Variants in FOXO3 observed in about 807,000 individuals in gnomAD.
The protein encoded by FOXO3 is forkhead box O3, also known as forkhead box protein O3.
Under a neutral mutation model 41.9 loss-of-function variants are expected in FOXO3, and 4 were observed. The ratio of observed to expected loss-of-function variants is 0.10; its 90% confidence interval spans 0.05 to 0.22. The LOEUF is 0.22. Ranked by LOEUF, FOXO3 falls within the 10% of genes least tolerant of loss-of-function variation. The pLI is 1.00. For synonymous variants in FOXO3, 318 were observed against 389.3 expected (o/e 0.82, Z 2.16); for missense variants, 534 against 906.8 (o/e 0.59, Z 5.28).
intron 1 of FOXO3, among the ~76,000 whole-genome samples, chr6:108,635,658 T>C (rs778186369): frequency 1.2e-4 from 19 of 152,308 alleles, no homozygotes; most frequent in Non-Finnish European, 2.1e-4. Flanking sequence ...AGGCACATCC[T>C]GTCATAGCAT....
chr6:108,646,976 T>C (rs1778408621), intron 1 of FOXO3, among the ~76,000 whole-genome samples: 1 of 151,948 alleles, frequency 6.6e-6, no homozygotes, highest in Non-Finnish European at 1.5e-5. Flanking sequence ...TTATGTACCT[T>C]CCCCCCAATA....
At position 108,684,719 on chromosome 6, in the gene FOXO3, G is replaced by A. The variant is rs940046055; in HGVS notation, c.*4927G>A. The A allele has an allele frequency of 1.3e-5, 2 of 152,612 alleles. No individual in the cohort carries two copies. Among genetic ancestry groups the A allele is most frequent in the Non-Finnish European group, 2.9e-5 (2 of 68,042 alleles). The allele number at this position is 152,612 out of a possible 1,614,324, so 9.5% of individuals were successfully genotyped here. A position where few individuals can be genotyped will look rare whatever the true frequency, so the allele number is the denominator to read the frequency against. On this transcript the variant is annotated 3_prime_UTR_variant, in exon 3 of 3. Coordinates refer to ENST00000406360, the MANE Select transcript of FOXO3 (RefSeq NM_001455.4). ...GTATTCCACTTAAAACCGTAATCTA[G>A]TTTGTAAAAGAGATGGTGACGCATG...
chr6:108,570,474 C>T (rs1290767675), intron 1 of FOXO3, among the ~76,000 whole-genome samples: 2 of 152,080 alleles, frequency 1.3e-5, no homozygotes, highest in African/African-American at 2.4e-5. Flanking sequence ...TACTAATGAG[C>T]GCCACGACAC....
chr6:108,672,539 C>T (rs143534308), intron 2 of FOXO3, among the ~76,000 whole-genome samples: 66 of 152,212 alleles, frequency 4.3e-4, no homozygotes, highest in African/African-American at 1.4e-3. Flanking sequence ...AATTTTAGGT[C>T]GGCTTTGTTT....
In FOXO3 at chr6:108,561,063, T is replaced by G; in HGVS notation, c.-146T>G. On this transcript the variant is annotated 5_prime_UTR_variant, in exon 1 of 3. Transcript: ENST00000406360. ...GGCCCGGGATAACCAACTCTCCTTC[T>G]CTCTTCTTTGGTGCTTCCCCAGGCG... is the stretch of plus-strand genomic sequence containing the variant. 2.1e-6 allele frequency: 3 copies of G among 1,419,586 alleles called. No individual in the cohort carries two copies. Among genetic ancestry groups the G allele is most frequent in the Non-Finnish European group, 2.7e-6 (3 of 1,097,908 alleles). The allele number at this position is 1,419,586 out of a possible 1,614,324, so 87.9% of individuals were successfully genotyped here.
chr6:108,642,336 T>C (rs1042000557), intron 1 of FOXO3, among the ~76,000 whole-genome samples: 3 of 152,100 alleles, frequency 2.0e-5, no homozygotes, highest in African/African-American at 7.2e-5. Context: ...AGTGATCCTC[T>C]ATCCTTGACC....
intron 1 of FOXO3, among the ~76,000 whole-genome samples, chr6:108,589,653 A>G (rs1337774074): frequency 6.6e-6 from 1 of 152,344 alleles, no homozygotes; most frequent in Middle Eastern, 3.4e-3. Context: ...CATTAAGAGC[A>G]GGAGGAGGAG....
At chr6:108,665,162 T>C (rs996178114) in intron 2 of FOXO3, among the ~76,000 whole-genome samples, 3 of 152,166 alleles carry the variant, frequency 2.0e-5, no homozygotes, top group Admixed American at 1.3e-4. Context: ...GAGATCGCAT[T>C]CTTTTTTTGC....
chr6:108,649,808 C>T (rs562612964), intron 1 of FOXO3, among the ~76,000 whole-genome samples: 2 of 152,272 alleles, frequency 1.3e-5, no homozygotes, highest in South Asian at 4.1e-4. Flanking sequence ...AAACAGCTAA[C>T]ATTCCACATA....
At chr6:108,575,890 A>G (rs1776248298) in intron 1 of FOXO3, among the ~76,000 whole-genome samples, 1 of 152,200 alleles carries the variant, frequency 6.6e-6, no homozygotes, top group Middle Eastern at 3.2e-3. Flanking sequence ...ACATTCTTTC[A>G]AATTTCTTTA....
intron 1 of FOXO3, among the ~76,000 whole-genome samples, chr6:108,603,853 T>G (rs1052903772): frequency 1.3e-5 from 2 of 152,184 alleles, no homozygotes; most frequent in African/African-American, 4.8e-5. Flanking sequence ...TTAGTTCTAT[T>G]TTTTAAATAA....
At chr6:108,601,606 C>G (rs114067822) in intron 1 of FOXO3, among the ~76,000 whole-genome samples, 1 of 152,214 alleles carries the variant, frequency 6.6e-6, no homozygotes, top group Non-Finnish European at 1.5e-5. Context: ...ACCCAGCCCC[C>G]CTTCTATTGC....
In FOXO3 at chr6:108,682,107, C is replaced by G. The variant is rs185950655; in HGVS notation, c.*2315C>G. 2 of 152,712 alleles carry G rather than the reference C, an allele frequency of 1.3e-5. No homozygotes were observed. Among genetic ancestry groups the G allele is most frequent in the Admixed American group, 6.5e-5 (1 of 15,298 alleles). The allele number at this position is 152,712 out of a possible 1,614,324, so 9.5% of individuals were successfully genotyped here. A position where few individuals can be genotyped will look rare whatever the true frequency, so the allele number is the denominator to read the frequency against. On this transcript the variant is annotated 3_prime_UTR_variant, in exon 3 of 3. Transcript: ENST00000406360. ...AAGTGACTAACAAAATAGCTACTTA[C>G]CTTTGCAGTTTTACAGACCCTGGGA... is the stretch of plus-strand genomic sequence containing the variant.
At chr6:108,675,844 A>G (rs753140654) in intron 2 of FOXO3, among the ~76,000 whole-genome samples, 9 of 152,170 alleles carry the variant, frequency 5.9e-5, no homozygotes, top group Non-Finnish European at 4.4e-5. Flanking sequence ...GAAGATAAAA[A>G]CACTACTGAA....
chr6:108,577,609 T>A (rs1289129342), intron 1 of FOXO3, among the ~76,000 whole-genome samples: 1 of 152,192 alleles, frequency 6.6e-6, no homozygotes, highest in Non-Finnish European at 1.5e-5. Flanking sequence ...TAGGTCAGAA[T>A]CTCTAGGTAT....
chr6:108,593,004 G>T (rs976593517), intron 1 of FOXO3, among the ~76,000 whole-genome samples: 1 of 152,178 alleles, frequency 6.6e-6, no homozygotes, highest in Non-Finnish European at 1.5e-5. Flanking sequence ...GCATAATTTA[G>T]TGAGCAGTTT....
intron 1 of FOXO3, among the ~76,000 whole-genome samples, chr6:108,641,478 C>G (rs1048623759): frequency 6.6e-6 from 1 of 152,130 alleles, no homozygotes; most frequent in Non-Finnish European, 1.5e-5. Flanking sequence ...CAGATAAACT[C>G]TAAAGCCTCT....
intron 1 of FOXO3, among the ~76,000 whole-genome samples, chr6:108,603,976 T>C (rs1429476541): frequency 6.6e-6 from 1 of 152,192 alleles, no homozygotes. Flanking sequence ...ATTTTTTTAC[T>C]ATGAAATTGC....
chr6:108,562,110 A>G (rs1775816668), intron 1 of FOXO3, among the ~76,000 whole-genome samples: 1 of 151,970 alleles, frequency 6.6e-6, no homozygotes, highest in East Asian at 1.9e-4. Context: ...GGACAGGAGT[A>G]CATTTGCTGG....
Sources: gnomAD v4.1 joint callset for allele counts (sites outside exome capture counted in the v4.1 genomes callset) on GRCh38, gnomAD v4.1.1 for gene constraint, MANE v1.5 for transcripts, NCBI Gene and HGNC (gene_info 2026-07-23, HGNC 2026-07-21) for gene names.